The following ST6GAL2 variants were observed in gnomAD, a reference collection of about 807,000 sequenced individuals.
ST6GAL2 encodes the protein beta-galactoside alpha-2,6-sialyltransferase 2.
In ST6GAL2, 24 loss-of-function variants were observed where a neutral mutation model predicts 37.5. The observed-to-expected ratio is 0.64, with a 90% CI of 0.46 to 0.90. ST6GAL2 has a LOEUF of 0.90. ST6GAL2 is among the 40% of genes least tolerant of loss of function. The pLI, the probability that ST6GAL2 is intolerant of heterozygous loss-of-function variation, is 0.00. For missense variants in ST6GAL2, 715 were observed against 712.7 expected (o/e 1.00, Z -0.04); for synonymous variants, 306 against 295.1 (o/e 1.04, Z -0.38).
chr2:106,819,430 G>A lies in ST6GAL2; in HGVS notation c.1318+10636C>T, dbSNP rs527588041. On this transcript the variant is annotated intron_variant, in intron 5 of 5. Coordinates refer to ENST00000409382, the MANE Select transcript of ST6GAL2 (RefSeq NM_001142351.2). ...CAGACTTCTCAGTGGAAACCTTACA[G>A]GCCAGGAGAGAGTGGCATGACATAT... Among the ~76,000 whole-genome samples the A allele has an allele frequency of 3.5e-4, 53 of 152,092 alleles. No individual in the cohort carries two copies. In the South Asian group the frequency reaches 0.011, roughly 32 times the overall value.
chr2:106,823,759 C>T lies in ST6GAL2; in HGVS notation c.1318+6307G>A, dbSNP rs577297206. On this transcript the variant is annotated intron_variant, in intron 5 of 5. Coordinates refer to ENST00000409382, the MANE Select transcript of ST6GAL2 (RefSeq NM_001142351.2). Reference sequence around the variant, plus strand: ...TCATAGTTTTAGGGGCCTGAAATTCCAAGAACAATATGCAGCAGATTCAAT... The same window carrying T: ...TCATAGTTTTAGGGGCCTGAAATTCTAAGAACAATATGCAGCAGATTCAAT... Among the ~76,000 whole-genome samples, 4 of 152,132 alleles carry T rather than the reference C, an allele frequency of 2.6e-5. No individual in the cohort carries two copies. In the South Asian group the frequency reaches 6.2e-4, roughly 24 times the overall value.
chr2:106,857,527 C>A (rs953515741), intron 1 of ST6GAL2, among the ~76,000 whole-genome samples: 10 of 152,094 alleles, frequency 6.6e-5, no homozygotes, highest in Non-Finnish European at 1.5e-4. Flanking sequence ...TTGCTTAAAT[C>A]CAGGAGGCTG....
At chr2:106,867,831 C>T (rs188087437) in intron 1 of ST6GAL2, among the ~76,000 whole-genome samples, 1 of 152,162 alleles carries the variant, frequency 6.6e-6, no homozygotes, top group Admixed American at 6.5e-5. Context: ...GCTTGTGTCC[C>T]GTGGAGGACT....
intron 5 of ST6GAL2, among the ~76,000 whole-genome samples, chr2:106,811,685 C>CA: frequency 6.6e-6 from 1 of 152,170 alleles, no homozygotes; most frequent in Non-Finnish European, 1.5e-5. Context: ...TGCAATGCCC[C>CA]AATGCTGAGC....
At chr2:106,870,828 C>A (rs1009365732) in intron 1 of ST6GAL2, among the ~76,000 whole-genome samples, 1 of 152,118 alleles carries the variant, frequency 6.6e-6, no homozygotes, top group Non-Finnish European at 1.5e-5. Context: ...GCAATGTAAA[C>A]CCTATTAAGA....
In ST6GAL2 at chr2:106,802,958, A is replaced by G. The variant is rs138560374; in HGVS notation, c.*3720T>C. On this transcript the variant is annotated 3_prime_UTR_variant, in exon 6 of 6. Coordinates refer to ENST00000409382, the MANE Select transcript of ST6GAL2 (RefSeq NM_001142351.2). ...ATGGCATTTGTGCGTATGAAATTCAATCACATACTGGCACTCATCTAAGAC... is the reference window on the plus strand; with the variant it reads ...ATGGCATTTGTGCGTATGAAATTCAGTCACATACTGGCACTCATCTAAGAC... 5.9e-5 allele frequency: 9 copies of G among 152,300 alleles called. No homozygotes were observed. Among genetic ancestry groups the G allele is most frequent in the East Asian group, 3.9e-4 (2 of 5,184 alleles). 9.4% of individuals were successfully genotyped at this position (152,300 alleles called of 1,614,324 possible).
chr2:106,806,977 T>C, intron 5 of ST6GAL2, 28 bp from the exon 6 acceptor site: 1 of 1,584,762 alleles, frequency 6.3e-7, no homozygotes, highest in Non-Finnish European at 8.6e-7. Flanking sequence ...AATTAGAACC[T>C]AATGAACAAC....
intron 2 of ST6GAL2, among the ~76,000 whole-genome samples, chr2:106,839,769 A>G (rs1471018657): frequency 1.3e-5 from 2 of 152,140 alleles, no homozygotes; most frequent in African/African-American, 4.8e-5. Flanking sequence ...CTGCTCTGTA[A>G]CATGTTTCCA....
Position 106,843,104 on chromosome 2 carries a change from C to G in ST6GAL2, c.874G>C (p.Gly292Arg). The stretch of plus-strand genomic sequence containing the variant: ...ATGACGACAGCGCAGCTGCGCAGGC[C>G]GCGGGGGTGCAGCTGGCTCAGGGGC... The part of the protein sequence containing the change: ...AVPLSQLHPR[G>R]LRSCAVVMSA... The change falls in exon 2 of 6, where the codon GGC (glycine) becomes CGC (arginine). Residue 292 changes from glycine (G) to arginine (R), a missense_variant. By Grantham distance (125) the Gly-to-Arg change is moderately radical (BLOSUM62 -2). Coordinates refer to ENST00000409382, the MANE Select transcript of ST6GAL2 (RefSeq NM_001142351.2). 6.5e-7 allele frequency: 1 copy of G among 1,548,910 alleles called. No homozygotes were observed. Among genetic ancestry groups the G allele is most frequent in the Non-Finnish European group, 8.7e-7 (1 of 1,154,130 alleles).
rs1232121779 is a variant in ST6GAL2 at position 106,830,195 on chromosome 2, G to A, written c.1189C>T (p.His397Tyr). 6.2e-7 allele frequency: 1 copy of A among 1,613,554 alleles called. No homozygotes were observed. Among genetic ancestry groups the A allele is most frequent in the African/African-American group, 1.3e-5 (1 of 74,908 alleles). Residue 397 changes from histidine (H) to tyrosine (Y), a missense_variant, in exon 5 of 6, where the codon CAT becomes TAT. Physicochemically the swap from His to Tyr is moderately conservative, Grantham distance 83. Transcript: ENST00000409382. ...GGCTGATTTGGGTTTCTCTGACGAT[G>A]CTGAATATATGGAGTGAACAGGTTG... Reference protein sequence around the residue: ...DYNLFTPYIQHRQRNPNQPFY... With the variant: ...DYNLFTPYIQYRQRNPNQPFY...
At chr2:106,840,115 T>C (rs572119738) in intron 2 of ST6GAL2, among the ~76,000 whole-genome samples, 1 of 152,320 alleles carries the variant, frequency 6.6e-6, no homozygotes, top group Admixed American at 6.5e-5. Context: ...GGGCTCCTCC[T>C]GGCAGAACAT....
chr2:106,879,207 T>C (rs994625406), intron 1 of ST6GAL2, among the ~76,000 whole-genome samples: 22 of 152,192 alleles, frequency 1.4e-4, no homozygotes, highest in African/African-American at 5.3e-4. Flanking sequence ...GCCTCTTCTG[T>C]GTATGTATCC....
intron 1 of ST6GAL2, among the ~76,000 whole-genome samples, chr2:106,862,065 C>A (rs934733721): frequency 8.5e-5 from 13 of 152,186 alleles, no homozygotes; most frequent in African/African-American, 2.9e-4. Flanking sequence ...CAAAAGAAAG[C>A]ACTAATCAAT....
intron 5 of ST6GAL2, among the ~76,000 whole-genome samples, chr2:106,826,346 C>T (rs775300161): frequency 1.3e-5 from 2 of 152,122 alleles, no homozygotes; most frequent in Non-Finnish European, 2.9e-5. Context: ...TGGCACTTCA[C>T]ATGTTGAAAG....
At position 106,843,802 on chromosome 2, in the gene ST6GAL2, C is replaced by G. The variant is rs761558561; in HGVS notation, c.176G>C (p.Arg59Pro). ...CTCATGTGCGGCGCCCATGATGGCC[C>G]GCTGCTTCCCCTGCACCGGCAGGAG... ...RRLLPVQGKQ[R>P]AIMGAAHEPS... Residue 59 changes from arginine to proline, a missense_variant, in exon 2 of 6, where the codon CGG becomes CCG. Around this residue, in one of 3 missense-constraint regions of ST6GAL2, gnomAD observed 512 missense variants for 488.8 expected, o/e 1.05. Transcript: ENST00000409382. 5 of 1,610,930 alleles carry G rather than the reference C, an allele frequency of 3.1e-6. No homozygotes were observed. The highest frequency in any genetic ancestry group is 1.1e-5 in the South Asian group (1 of 91,046).
chr2:106,812,134 C>T (rs757350485), intron 5 of ST6GAL2, among the ~76,000 whole-genome samples: 2 of 152,148 alleles, frequency 1.3e-5, no homozygotes, highest in Non-Finnish European at 2.9e-5. Context: ...ATGGGATTAG[C>T]GCCTTTGTAA....
intron 5 of ST6GAL2, chr2:106,823,075 A>C (rs963596344): frequency 1.3e-5 from 2 of 152,164 alleles, no homozygotes; most frequent in African/African-American, 4.8e-5. Context: ...TGCTTTCTTC[A>C]ATGCTAGGTC....
Position 106,834,202 on chromosome 2 carries a change from A to C in ST6GAL2, c.944-56T>G. ...TGTTCTCTGTAGAATCACATAATCT[A>C]GGAAAAAATGTTAAAGCAAATCTTT... On this transcript the variant is annotated intron_variant, in intron 2 of 5. Coordinates refer to ENST00000409382, the MANE Select transcript of ST6GAL2 (RefSeq NM_001142351.2). The C allele has an allele frequency of 5.3e-6, 7 of 1,319,498 alleles. No homozygotes were observed. In the South Asian group the frequency reaches 7.3e-5, roughly 14 times the overall value. 81.7% of individuals were successfully genotyped at this position (1,319,498 alleles called of 1,614,324 possible).
At chr2:106,858,612 G>C (rs1325279729) in intron 1 of ST6GAL2, among the ~76,000 whole-genome samples, 1 of 152,192 alleles carries the variant, frequency 6.6e-6, no homozygotes, top group Non-Finnish European at 1.5e-5. Flanking sequence ...TCTCTGGGCT[G>C]ATGGAAAACA....
Sources: gnomAD v4.1 joint callset for allele counts (sites outside exome capture counted in the v4.1 genomes callset) on GRCh38, gnomAD v4.1.1 for gene constraint, gnomAD v4.1.1 regional missense constraint, MANE v1.5 for transcripts, NCBI Gene and HGNC (gene_info 2026-07-23, HGNC 2026-07-21) for gene names.